The following ADAR variants were observed in gnomAD, a reference collection of about 807,000 sequenced individuals.
ADAR encodes the protein double-stranded RNA-specific adenosine deaminase.
ADAR carries 41 observed loss-of-function variants against 113.2 expected under a neutral mutation model. That is an observed-to-expected ratio of 0.36 (90% CI 0.28 to 0.47). The LOEUF is 0.47. Among genes scored for constraint, ADAR ranks in the 20% least tolerant of loss-of-function variants. ADAR has a pLI of 1.00. For synonymous variants in ADAR, 605 were observed against 572.6 expected, an observed-to-expected ratio of 1.06 and a Z score of -0.81; for missense variants, 1,242 against 1,540.9, an observed-to-expected ratio of 0.81 and a Z score of 3.25.
At chr1:154,612,558 A>G (rs896039699), upstream of ADAR, among the ~76,000 whole-genome samples, 1 of 151,524 alleles carries the variant, frequency 6.6e-6, no homozygotes, top group Admixed American at 6.6e-5. Context: ...CGATCTCCTG[A>G]CCTCGTCATC....
Position 154,602,203 on chromosome 1 carries a change from G to C in ADAR, c.439C>G (p.Leu147Val), listed in dbSNP as rs1697930142. The change falls in exon 2 of 15, where the codon CTG (leucine) becomes GTG (valine). Residue 147 changes from leucine to valine, a missense_variant. Leu to Val is a conservative substitution (Grantham distance 32, BLOSUM62 1). Around this residue, in one of 2 missense-constraint regions of ADAR, gnomAD observed 462 missense variants for 483.1 expected, o/e 0.96. Transcript: ENST00000368474. ...GCCTTCCCTTCCCCAAGCTCTTCCA[G>C]GAACTTTAAGATCCTTTGTTCCTGA... The part of the protein sequence containing the change: ...QDQEQRILKF[L>V]EELGEGKATT... The C allele has an allele frequency of 6.2e-7, 1 of 1,614,082 alleles. No homozygotes were observed. Among genetic ancestry groups the C allele is most frequent in the African/African-American group, 1.3e-5 (1 of 74,926 alleles).
At chr1:154,620,724 G>A (rs987168708) in intron 1 of ADAR, among the ~76,000 whole-genome samples, 1 of 152,160 alleles carries the variant, frequency 6.6e-6, no homozygotes, top group Non-Finnish European at 1.5e-5. Flanking sequence ...TTGGCCTTTG[G>A]GGGTAGTGGT....
At position 154,582,573 on chromosome 1, in the gene ADAR, T is replaced by G. The variant is rs1419409860; in HGVS notation, c.*2233A>C. The G allele has an allele frequency of 6.6e-6, 1 of 152,082 alleles. No homozygotes were observed. The highest frequency in any genetic ancestry group is 1.5e-5 in the Non-Finnish European group (1 of 68,072). The allele number at this position is 152,082 out of a possible 1,614,324, so 9.4% of individuals were successfully genotyped here. A position where few individuals can be genotyped will look rare whatever the true frequency, so the allele number is the denominator to read the frequency against. The stretch of plus-strand genomic sequence containing the variant: ...CTCGCTCTCTTCCTACAACAGAAAC[T>G]GAATACTACAGGCTTGCTAGATAAG... On this transcript the variant is annotated 3_prime_UTR_variant, in exon 15 of 15. Transcript: ENST00000368474.
intron 6 of ADAR, among the ~76,000 whole-genome samples, chr1:154,591,730 T>C (rs1176961719): frequency 1.3e-5 from 2 of 152,222 alleles, no homozygotes; most frequent in Non-Finnish European, 2.9e-5. Context: ...TTTCAAGACT[T>C]AGCAGCTCAG....
chr1:154,592,849 G>A (rs4845380), intron 6 of ADAR, among the ~76,000 whole-genome samples: 150,929 of 151,880 alleles, frequency 0.99, 74,996 homozygotes, highest in East Asian at 1. Flanking sequence ...AGATATTAAA[G>A]GTCATGGCTG....
At chr1:154,611,771 A>G (rs1014875856), upstream of ADAR, among the ~76,000 whole-genome samples, 1 of 152,146 alleles carries the variant, frequency 6.6e-6, no homozygotes, top group Non-Finnish European at 1.5e-5. Flanking sequence ...TATCTATACC[A>G]CCTAGGTCTA....
chr1:154,590,040 T>C, intron 7 of ADAR, 112 bp from the exon 8 acceptor site: 1 of 1,503,956 alleles, frequency 6.6e-7, no homozygotes, highest in Non-Finnish European at 9.2e-7. Context: ...CTTTTCCTTC[T>C]TACATCTAGT....
chr1:154,584,735 G>T lies in ADAR; in HGVS notation c.*71C>A. On this transcript the variant is annotated 3_prime_UTR_variant, in exon 15 of 15. Transcript: ENST00000368474. ...AAAAAAAATCCCCTGACCATGTGAT[G>T]AGGAATGCTACGACCTACCTCTCTC... The T allele has an allele frequency of 7.7e-7, 1 of 1,291,670 alleles. No individual in the cohort carries two copies. The highest frequency in any genetic ancestry group is 1.1e-6 in the Non-Finnish European group (1 of 896,428). The allele number at this position is 1,291,670 out of a possible 1,614,324, so 80.0% of individuals were successfully genotyped here.
At position 154,583,398 on chromosome 1, in the gene ADAR, A is replaced by G. The variant is rs1696537554; in HGVS notation, c.*1408T>C. 6.6e-6 allele frequency: 1 copy of G among 152,232 alleles called. No homozygotes were observed. Among genetic ancestry groups the G allele is most frequent in the Admixed American group, 6.5e-5 (1 of 15,282 alleles). 9.4% of individuals were successfully genotyped at this position (152,232 alleles called of 1,614,324 possible). On this transcript the variant is annotated 3_prime_UTR_variant, in exon 15 of 15. Transcript: ENST00000368474. The stretch of plus-strand genomic sequence containing the variant: ...GCACTGACAGTTTTTACGAGTGACT[A>G]TTCAAAGAATGCACAGGAGCCAGAG...
At chr1:154,589,506 C>T (rs772630652) in intron 8 of ADAR, 44 bp from the exon 9 acceptor site, 17 of 1,529,164 alleles carry the variant, frequency 1.1e-5, no homozygotes, top group Middle Eastern at 1.7e-4. Flanking sequence ...GGAAGGAAAC[C>T]GATGGAAAAC....
chr1:154,589,829 G>A lies in ADAR; in HGVS notation c.2596C>T (p.Arg866Cys). 2 of 1,614,012 alleles carry A rather than the reference G, an allele frequency of 1.2e-6. No homozygotes were observed. Among genetic ancestry groups the A allele is most frequent in the Non-Finnish European group, 1.7e-6 (2 of 1,180,008 alleles). Residue 866 changes from arginine (R) to cysteine (C), a missense_variant, in exon 8 of 15, where the codon CGC becomes TGC. Transcript: ENST00000368474. ...TNSFQPSLLG[R>C]KILAAIIMKK... ...ATAATGATGGCGGCCAGAATCTTGC[G>A]GCCGAGCAAGGAGGGCTGGAAGCTG...
chr1:154,614,942 A>G (rs1202438236), intron 1 of ADAR, among the ~76,000 whole-genome samples: 1 of 152,232 alleles, frequency 6.6e-6, no homozygotes, highest in Non-Finnish European at 1.5e-5. Flanking sequence ...AAGTTCAAAA[A>G]AATTTCCACC....
Position 154,602,398 on chromosome 1 carries a change from T to C in ADAR, c.244A>G (p.Ser82Gly), listed in dbSNP as rs1207677290. ...RPRFPVLLAS[S>G]TRGRQVDIRG... is the part of the protein sequence containing the mutation. ...ATGTCCACTTGCCTGCCTCTGGTAC[T>C]GGAGGCAAGTAGTACTGGAAACCTT... is the stretch of plus-strand genomic sequence containing the variant. Residue 82 changes from serine (S) to glycine (G), a missense_variant, in exon 2 of 15, where the codon AGT becomes GGT. By Grantham distance (56) the Ser-to-Gly change is moderately conservative (BLOSUM62 0). This residue lies in a region of ADAR where 462 missense variants were observed against 483.1 expected (regional missense o/e 0.96). Transcript: ENST00000368474. The C allele has an allele frequency of 6.2e-7, 1 of 1,604,226 alleles. No individual in the cohort carries two copies. Among genetic ancestry groups the C allele is most frequent in the East Asian group, 2.2e-5 (1 of 44,798 alleles).
intron 6 of ADAR, among the ~76,000 whole-genome samples, chr1:154,595,151 G>A (rs1354678314): frequency 6.6e-6 from 1 of 152,244 alleles, no homozygotes; most frequent in East Asian, 1.9e-4. Context: ...TGTGGGATCA[G>A]CAGCAGCATG....
Position 154,585,364 on chromosome 1 carries a change from C to A in ADAR, c.3316-20G>T, listed in dbSNP as rs781024893. The A allele has an allele frequency of 2.5e-6, 4 of 1,613,900 alleles. No individual in the cohort carries two copies. The highest frequency in any genetic ancestry group is 3.4e-6 in the Non-Finnish European group (4 of 1,179,934). ...GCCAACCTAGGAATCCCAGAAGCAA[C>A]GGGAGAAAGATGGAAACCTTTCAGG... On this transcript the variant is annotated intron_variant, in intron 13 of 14. Coordinates refer to ENST00000368474, the MANE Select transcript of ADAR (RefSeq NM_001111.5).
intron 1 of ADAR, among the ~76,000 whole-genome samples, chr1:154,604,132 T>C (rs1698049854): frequency 6.6e-6 from 1 of 152,210 alleles, no homozygotes; most frequent in Admixed American, 6.5e-5. Flanking sequence ...TCTGCCACTG[T>C]AGCACAAAAA....
chr1:154,597,150 C>T lies in ADAR; in HGVS notation c.2052G>A (p.Ala684=), dbSNP rs148041309. 7.1e-5 allele frequency: 114 copies of T among 1,614,132 alleles called. No homozygotes were observed. The African/African-American group carries it at 1.2e-3, about 17-fold the overall frequency. ...GGTTATCAGAAGCCATGGAGTTGGTCGCCTCCCCATGCAGGGCCTTCATGG... is the reference window on the plus strand; with the variant it reads ...GGTTATCAGAAGCCATGGAGTTGGTTGCCTCCCCATGCAGGGCCTTCATGG... ...EEAMKALHGE[A]TNSMASDNQP... The change falls in exon 5 of 15, where the codon GCG becomes GCA. Residue 684 remains alanine, a synonymous_variant. Transcript: ENST00000368474.
At position 154,590,187 on chromosome 1, in the gene ADAR, C is replaced by T; in HGVS notation, c.2493G>A (p.Lys831=). The change falls in exon 7 of 15, where the codon AAG becomes AAA. Residue 831 remains lysine (K), a synonymous_variant. Transcript: ENST00000368474. ...LLSRSPEAQP[K]TLPLTGSTFH... is the part of the protein sequence containing the mutation. ...CACCAAAAGTAGACGTCTTAACTGT[C>T]TTTGGCTGTGCTTCTGGGGACCTTG... 1.5e-6 allele frequency: 2 copies of T among 1,338,416 alleles called. No individual in the cohort carries two copies. Among genetic ancestry groups the T allele is most frequent in the Admixed American group, 1.9e-5 (1 of 52,360 alleles). The allele number at this position is 1,338,416 out of a possible 1,614,324, so 82.9% of individuals were successfully genotyped here. A position where few individuals can be genotyped will look rare whatever the true frequency, so the allele number is the denominator to read the frequency against.
chr1:154,588,714 T>C, intron 9 of ADAR, 41 bp from the exon 10 acceptor site: 1 of 1,613,654 alleles, frequency 6.2e-7, no homozygotes, highest in Non-Finnish European at 8.5e-7. Context: ...GGTTCAATTC[T>C]GGGAAAAGCA....
Sources: allele counts gnomAD v4.1 joint callset (sites outside exome capture counted in the v4.1 genomes callset), GRCh38; gene constraint gnomAD v4.1.1; regional missense constraint gnomAD v4.1.1; transcripts MANE v1.5; gene names NCBI Gene and HGNC (gene_info 2026-07-23, HGNC 2026-07-21).